The following CNTNAP3 variants were observed in gnomAD, a reference collection of about 807,000 sequenced individuals.
The protein encoded by CNTNAP3 is contactin associated protein family member 3, also known as contactin-associated protein-like 3.
Under a neutral mutation model 92.1 loss-of-function variants are expected in CNTNAP3, and 36 were observed. The ratio of observed to expected loss-of-function variants is 0.39; its 90% confidence interval spans 0.30 to 0.52. CNTNAP3 has a LOEUF of 0.52. Ranked by LOEUF, CNTNAP3 falls within the 20% of genes least tolerant of loss-of-function variation. The pLI is 0.76. For synonymous variants in CNTNAP3, 232 were observed against 422.3 expected, an observed-to-expected ratio of 0.55 and a Z score of 5.53; for missense variants, 534 against 1,069.6, an observed-to-expected ratio of 0.50 and a Z score of 6.98.
intron 23 of CNTNAP3, among the ~76,000 whole-genome samples, chr9:39,075,603 G>A (rs1358904992): frequency 1.3e-5 from 2 of 152,300 alleles, no homozygotes; most frequent in African/African-American, 2.4e-5. Flanking sequence ...CTCTTTTACC[G>A]GAGACCATTC....
intron 14 of CNTNAP3, among the ~76,000 whole-genome samples, chr9:39,110,757 T>C (rs1219808492): frequency 6.6e-6 from 1 of 152,148 alleles, no homozygotes; most frequent in Non-Finnish European, 1.5e-5. Context: ...TGGCCAATAA[T>C]AAATATTGCA....
intron 9 of CNTNAP3, among the ~76,000 whole-genome samples, chr9:39,161,568 C>T (rs1822071998): frequency 1.0e-5 from 1 of 97,950 alleles, no homozygotes; most frequent in Non-Finnish European, 2.0e-5. Flanking sequence ...ATAATCCCAA[C>T]ACTTTGGGAG....
At chr9:39,076,100 A>G (rs1825754750) in intron 23 of CNTNAP3, among the ~76,000 whole-genome samples, 1 of 152,310 alleles carries the variant, frequency 6.6e-6, no homozygotes, top group African/African-American at 2.4e-5. Flanking sequence ...TCTCAGCGGA[A>G]GAGAACACTG....
rs1372941125 is a variant in CNTNAP3, at chr9:39,070,793, A to G, written c.*3097T>C. On this transcript the variant is annotated 3_prime_UTR_variant, in exon 24 of 24. Coordinates refer to ENST00000297668, the MANE Select transcript of CNTNAP3 (RefSeq NM_033655.5). Reference sequence around the variant, plus strand: ...AACATTTCATGTACTCCATAAATATATACACCTAGTATGTACACAAAAATT... The same window carrying G: ...AACATTTCATGTACTCCATAAATATGTACACCTAGTATGTACACAAAAATT... Among the ~76,000 whole-genome samples, 1 of 152,290 alleles carries G rather than the reference A, an allele frequency of 6.6e-6. No individual in the cohort carries two copies. Among genetic ancestry groups the G allele is most frequent in the African/African-American group, 2.4e-5 (1 of 41,488 alleles).
rs1173581295 is a variant in CNTNAP3 at position 39,104,471 on chromosome 9, TACACATACACACACAC to T, written c.2366-573_2366-558del. 3.3e-4 allele frequency among the ~76,000 whole-genome samples: 24 copies of T among 71,844 alleles called. 1 individual carries two copies. The Admixed American group carries it at 3.6e-3, about 11-fold the overall frequency. 47.1% of individuals were successfully genotyped at this position (71,844 alleles called of 152,430 possible). On this transcript the variant is annotated intron_variant, in intron 15 of 23. Transcript: ENST00000297668. Reference sequence around the variant, plus strand: ...AGACTCTTGCTTTCCTTCCTGCACATACACATACACACACACACACACACACACACACACACACACA... The same window carrying T: ...AGACTCTTGCTTTCCTTCCTGCACATACACACACACACACACACACACACA...
At chr9:39,126,188 G>T (rs566675541) in intron 13 of CNTNAP3, among the ~76,000 whole-genome samples, 1 of 152,256 alleles carries the variant, frequency 6.6e-6, no homozygotes, top group Non-Finnish European at 1.5e-5. Flanking sequence ...AATAATAGCA[G>T]AAAGAGAGCT....
At chr9:39,083,045 T>C (rs1825982160) in intron 21 of CNTNAP3, among the ~76,000 whole-genome samples, 2 of 144,644 alleles carry the variant, frequency 1.4e-5, no homozygotes, top group Admixed American at 6.7e-5. Flanking sequence ...ATAAAATACA[T>C]AGGTTGATGA....
At chr9:39,105,289 T>C (rs1826574152) in intron 15 of CNTNAP3, among the ~76,000 whole-genome samples, 1 of 152,146 alleles carries the variant, frequency 6.6e-6, no homozygotes, top group East Asian at 1.9e-4. Flanking sequence ...TAGCCAGGCA[T>C]GGTGGTGGGT....
chr9:39,068,243 C>CAAAAAAAAAAAAAAAAAAAAAAAAA lies in CNTNAP3; in HGVS notation c.*5646_*5647insTTTTTTTTTTTTTTTTTTTTTTTTT, dbSNP rs1198106886. 7.0e-5 allele frequency among the ~76,000 whole-genome samples: 9 copies of CAAAAAAAAAAAAAAAAAAAAAAAAA among 129,316 alleles called. No individual in the cohort carries two copies. The highest frequency in any genetic ancestry group is 8.5e-5 in the Non-Finnish European group (5 of 59,102). 84.8% of individuals were successfully genotyped at this position (129,316 alleles called of 152,430 possible). A position where few individuals can be genotyped will look rare whatever the true frequency, so the allele number is the denominator to read the frequency against. ...TGAAACCTTGCCTCCACTAAAAATA[C>CAAAAAAAAAAAAAAAAAAAAAAAAA]AAAAAAAAAAAAAAAAAAAAAAATT... On this transcript the variant is annotated 3_prime_UTR_variant, in exon 24 of 24. Coordinates refer to ENST00000297668, the MANE Select transcript of CNTNAP3 (RefSeq NM_033655.5).
chr9:39,095,758 T>C (rs1444288312), intron 18 of CNTNAP3, among the ~76,000 whole-genome samples: 1 of 144,146 alleles, frequency 6.9e-6, no homozygotes, highest in Non-Finnish European at 1.5e-5. Context: ...AAGCTTGCAT[T>C]ATATATATCT....
chr9:39,106,621 A>G (rs556955051), intron 15 of CNTNAP3: 3 of 152,342 alleles, frequency 2.0e-5, no homozygotes. Flanking sequence ...AAAGTAGGAT[A>G]TAAACTGAAG....
At chr9:39,096,252 A>G (rs1159392819) in intron 18 of CNTNAP3, among the ~76,000 whole-genome samples, 1 of 138,118 alleles carries the variant, frequency 7.2e-6, no homozygotes, top group Non-Finnish European at 1.6e-5. Flanking sequence ...ACTTACCTTT[A>G]TTAGTGCTAT....
At chr9:39,105,868 TCA>T (rs532194367) in intron 15 of CNTNAP3, among the ~76,000 whole-genome samples, 1 of 120,508 alleles carries the variant, frequency 8.3e-6, no homozygotes, top group Non-Finnish European at 1.9e-5. Context: ...TCTCTCTCTC[TCA>T]CACACACAGT....
chr9:39,147,197 T>G (rs1420409842), intron 10 of CNTNAP3, among the ~76,000 whole-genome samples: 2 of 151,662 alleles, frequency 1.3e-5, no homozygotes, highest in African/African-American at 4.9e-5. Flanking sequence ...AAGCCTTTTT[T>G]CTTTATAAAT....
intron 10 of CNTNAP3, among the ~76,000 whole-genome samples, chr9:39,146,703 G>GCAAACAAA (rs201937339): frequency 0.041 from 6,214 of 151,836 alleles, 160 homozygotes; most frequent in Non-Finnish European, 0.06. Context: ...AAACAAACAA[G>GCAAACAAA]CAAACAAACA....
chr9:39,079,166 T>C (rs1368910049), intron 21 of CNTNAP3, among the ~76,000 whole-genome samples: 7 of 152,174 alleles, frequency 4.6e-5, no homozygotes, highest in Admixed American at 2.6e-4. Context: ...GCTGGCTCTC[T>C]GCAAGTAACA....
Position 39,091,113 on chromosome 9 carries a change from T to C in CNTNAP3, c.2996-2466A>G, listed in dbSNP as rs1349244328. 5.9e-5 allele frequency among the ~76,000 whole-genome samples: 9 copies of C among 152,194 alleles called. No individual in the cohort carries two copies. The East Asian group carries it at 1.8e-3, about 30-fold the overall frequency. On this transcript the variant is annotated intron_variant, in intron 18 of 23. Transcript: ENST00000297668. ...TGGGATTTTTTTATATAAAAAATCA[T>C]GTCATCCTCAAATAGAGATAGTTTT...
intron 15 of CNTNAP3, among the ~76,000 whole-genome samples, chr9:39,107,493 G>A (rs1049040591): frequency 6.6e-6 from 1 of 152,002 alleles, no homozygotes; most frequent in African/African-American, 2.4e-5. Context: ...TTACACTATG[G>A]GAATAATATA....
chr9:39,276,740 C>T lies in CNTNAP3; in HGVS notation c.86-9734G>A, dbSNP rs1206826952. 3.1e-4 allele frequency among the ~76,000 whole-genome samples: 7 copies of T among 22,616 alleles called. 3 individuals carry two copies. The highest frequency in any genetic ancestry group is 3.8e-4 in the Non-Finnish European group (3 of 7,874). 14.8% of individuals were successfully genotyped at this position (22,616 alleles called of 152,430 possible). A position where few individuals can be genotyped will look rare whatever the true frequency, so the allele number is the denominator to read the frequency against. On this transcript the variant is annotated intron_variant, in intron 1 of 23. Coordinates refer to ENST00000297668, the MANE Select transcript of CNTNAP3 (RefSeq NM_033655.5). ...GAAACCAACGAGAACAAACACACAA[C>T]ATACCAGAATCTCTGGGACACATTT...
Sources: gnomAD v4.1 joint callset for allele counts (sites outside exome capture counted in the v4.1 genomes callset) on GRCh38, gnomAD v4.1.1 for gene constraint, MANE v1.5 for transcripts, NCBI Gene and HGNC (gene_info 2026-07-23, HGNC 2026-07-21) for gene names.